The following RALGPS2 variants were observed in gnomAD, a reference collection of about 807,000 sequenced individuals.
RALGPS2 encodes Ral GEF with PH domain and SH3 binding motif 2, also known as ras-specific guanine nucleotide-releasing factor RalGPS2.
A neutral mutation model predicts 86.8 loss-of-function variants in RALGPS2; 43 were observed. The ratio of observed to expected loss-of-function variants is 0.50; its 90% CI spans 0.39 to 0.64. The LOEUF (loss-of-function observed/expected upper bound fraction) is 0.64, where lower values mean the gene tolerates loss of function less well. RALGPS2 is among the 30% of genes least tolerant of loss of function. The probability of loss-of-function intolerance (pLI) is 0.00; values close to 1 mark genes in which losing one functional copy is unlikely to be tolerated. For missense variants in RALGPS2, 536 were observed against 694.6 expected, an observed-to-expected ratio of 0.77 and a Z score of 2.57; for synonymous variants, 243 against 231.3, an observed-to-expected ratio of 1.05 and a Z score of -0.46.
At chr1:178,856,198 G>GATAGAT (rs1232946834) in intron 8 of RALGPS2, among the ~76,000 whole-genome samples, 1 of 47,268 alleles carries the variant, frequency 2.1e-5, no homozygotes, top group African/African-American at 6.2e-5. Flanking sequence ...TCCAGAGAGA[G>GATAGAT]AGAGATATAT....
chr1:178,786,995 TTTTCCCCCA>T (rs1000220649), intron 4 of RALGPS2, among the ~76,000 whole-genome samples: 2 of 150,916 alleles, frequency 1.3e-5, no homozygotes, highest in African/African-American at 4.8e-5. Flanking sequence ...TTTTCCTAAC[TTTTCCCCCA>T]TACCTCAGAG....
At position 178,833,518 on chromosome 1, in the gene RALGPS2, G is replaced by C; in HGVS notation, c.575G>C (p.Ser192Thr). 2 of 1,531,168 alleles carry C rather than the reference G, an allele frequency of 1.3e-6. No homozygotes were observed. The highest frequency in any genetic ancestry group is 1.3e-5 in the South Asian group (1 of 76,306). 94.8% of individuals were successfully genotyped at this position (1,531,168 alleles called of 1,614,324 possible). A position where few individuals can be genotyped will look rare whatever the true frequency, so the allele number is the denominator to read the frequency against. Reference protein sequence around the residue: ...NYKRLRDYISSLKMTPCIPYL... With the variant: ...NYKRLRDYISTLKMTPCIPYL... The stretch of plus-strand genomic sequence containing the variant: ...AAAAGACTCAGAGACTATATAAGTA[G>C]CTTAAAGATGACACCTTGCATTCCC... The change falls in exon 8 of 20, where the codon AGC becomes ACC. Residue 192 changes from serine to threonine, a missense_variant. By Grantham distance (58) the Ser-to-Thr change is moderately conservative (BLOSUM62 1). Around this residue, in one of 3 missense-constraint regions of RALGPS2, gnomAD observed 184 missense variants for 296.7 expected, o/e 0.62. Coordinates refer to ENST00000367635, the MANE Select transcript of RALGPS2 (RefSeq NM_152663.5).
chr1:178,779,926 G>T (rs565846560), intron 2 of RALGPS2, among the ~76,000 whole-genome samples: 18 of 152,254 alleles, frequency 1.2e-4, no homozygotes, highest in African/African-American at 4.3e-4. Context: ...TAGAGATGGG[G>T]TTTCACCTTG....
chr1:178,725,365 G>C lies in RALGPS2; in HGVS notation c.-138G>C, dbSNP rs998599500. ...AGGCGGCGGCGGCCGTGGCGGTGAA[G>C]CGTGAGGCCGGCATCGTCTTTCCGT... On this transcript the variant is annotated 5_prime_UTR_variant, in exon 1 of 20. Transcript: ENST00000367635. The C allele has an allele frequency of 1.3e-5, 2 of 155,366 alleles. No individual in the cohort carries two copies. The highest frequency in any genetic ancestry group is 4.9e-5 in the African/African-American group (2 of 41,220). The allele number at this position is 155,366 out of a possible 1,614,324, so 9.6% of individuals were successfully genotyped here.
intron 1 of RALGPS2, among the ~76,000 whole-genome samples, chr1:178,760,085 T>C (rs1456660614): frequency 6.6e-6 from 1 of 152,216 alleles, no homozygotes; most frequent in Non-Finnish European, 1.5e-5. Context: ...TTCTTTTGTC[T>C]GATTGCCCTA....
intron 8 of RALGPS2, among the ~76,000 whole-genome samples, chr1:178,876,202 T>C (rs749962504): frequency 6.6e-5 from 10 of 151,268 alleles, no homozygotes; most frequent in Admixed American, 2.6e-4. Context: ...CAGTCTTGAA[T>C]AGATAAGATA....
At chr1:178,764,605 T>G (rs1460938708) in intron 1 of RALGPS2, among the ~76,000 whole-genome samples, 3 of 152,236 alleles carry the variant, frequency 2.0e-5, no homozygotes, top group African/African-American at 7.2e-5. Context: ...TAACTGTTTT[T>G]CCTTTCCATG....
At chr1:178,766,279 A>G (rs1451453606) in intron 1 of RALGPS2, among the ~76,000 whole-genome samples, 1 of 152,166 alleles carries the variant, frequency 6.6e-6, no homozygotes, top group African/African-American at 2.4e-5. Flanking sequence ...TTCCTGCAAC[A>G]GTGCAGTCTC....
intron 4 of RALGPS2, among the ~76,000 whole-genome samples, chr1:178,795,727 T>C (rs1558123327): frequency 6.6e-6 from 1 of 152,168 alleles, no homozygotes; most frequent in Admixed American, 6.6e-5. Flanking sequence ...CTTATTAAAA[T>C]ATTTCTGAAA....
chr1:178,757,291 A>C (rs1652004709), intron 1 of RALGPS2, among the ~76,000 whole-genome samples: 1 of 151,776 alleles, frequency 6.6e-6, no homozygotes, highest in Non-Finnish European at 1.5e-5. Flanking sequence ...GATGCCTTTT[A>C]TTTCTTTCTC....
At chr1:178,887,462 G>C (rs898210295) in intron 13 of RALGPS2, among the ~76,000 whole-genome samples, 1 of 152,102 alleles carries the variant, frequency 6.6e-6, no homozygotes, top group Non-Finnish European at 1.5e-5. Context: ...CTCAAAAAAA[G>C]AAAGAAATTG....
intron 6 of RALGPS2, among the ~76,000 whole-genome samples, chr1:178,812,016 G>A (rs1188349078): frequency 6.6e-6 from 1 of 152,138 alleles, no homozygotes; most frequent in African/African-American, 2.4e-5. Flanking sequence ...AAGGGGGAGT[G>A]AGCCCTTCCC....
chr1:178,776,711 G>A lies in RALGPS2; in HGVS notation c.-54G>A, dbSNP rs1653102957. ...AATGTATTTGTGGCCTTGGACATGA[G>A]GCAGTCAGTCCTCTGTTGCTGTTAA... On this transcript the variant is annotated 5_prime_UTR_variant, in exon 2 of 20. Transcript: ENST00000367635. The A allele has an allele frequency of 6.7e-6, 9 of 1,348,946 alleles. No individual in the cohort carries two copies. The highest frequency in any genetic ancestry group is 2.4e-5 in the East Asian group (1 of 41,348). The allele number at this position is 1,348,946 out of a possible 1,614,324, so 83.6% of individuals were successfully genotyped here.
chr1:178,903,321 G>A (rs1660256210), intron 18 of RALGPS2, among the ~76,000 whole-genome samples: 2 of 152,078 alleles, frequency 1.3e-5, no homozygotes, highest in South Asian at 4.1e-4. Flanking sequence ...AGATTAAGTA[G>A]ATTGATTTAC....
At chr1:178,742,179 G>T (rs1014719149) in intron 1 of RALGPS2, among the ~76,000 whole-genome samples, 1 of 150,544 alleles carries the variant, frequency 6.6e-6, no homozygotes, top group African/African-American at 2.4e-5. Context: ...GGTGAGATTG[G>T]ATTAAAAAAA....
intron 10 of RALGPS2, 133 bp downstream of exon 10, chr1:178,879,125 G>A: frequency 8.0e-7 from 1 of 1,246,346 alleles, no homozygotes; most frequent in Non-Finnish European, 1.1e-6. Context: ...AGCAGTAAAG[G>A]TACTAACATG....
At chr1:178,847,278 T>C (rs1656913834) in intron 8 of RALGPS2, among the ~76,000 whole-genome samples, 1 of 152,110 alleles carries the variant, frequency 6.6e-6, no homozygotes, top group African/African-American at 2.4e-5. Flanking sequence ...AAACCCCATC[T>C]CTACTGAAAA....
intron 8 of RALGPS2, among the ~76,000 whole-genome samples, chr1:178,835,502 C>T (rs1297267089): frequency 6.6e-6 from 1 of 151,224 alleles, no homozygotes; most frequent in Non-Finnish European, 1.5e-5. Flanking sequence ...AAGTGATTCT[C>T]CTGCCTCAGC....
At chr1:178,751,919 GT>G (rs35048675) in intron 1 of RALGPS2, among the ~76,000 whole-genome samples, 1 of 151,772 alleles carries the variant, frequency 6.6e-6, no homozygotes, top group Non-Finnish European at 1.5e-5. Flanking sequence ...AGCAAAAAAC[GT>G]TTTTTTTCCT....
Sources: gnomAD v4.1 joint callset for allele counts (sites outside exome capture counted in the v4.1 genomes callset) on GRCh38, gnomAD v4.1.1 for gene constraint, gnomAD v4.1.1 regional missense constraint, MANE v1.5 for transcripts, NCBI Gene and HGNC (gene_info 2026-07-23, HGNC 2026-07-21) for gene names.